Variants in WDR86 observed in about 807,000 individuals in gnomAD.
The protein encoded by WDR86 is WD repeat-containing protein 86.
WDR86 carries 30 observed loss-of-function variants against 36.5 expected under a neutral mutation model. The ratio of observed to expected loss-of-function variants is 0.82; its 90% confidence interval spans 0.61 to 1.11. WDR86 has a LOEUF of 1.11. Among genes scored for constraint, WDR86 ranks in the 50% most tolerant of loss-of-function variants. The pLI is 0.00. For synonymous variants in WDR86, 255 were observed against 252.9 expected, an observed-to-expected ratio of 1.01 and a Z score of -0.08; for missense variants, 545 against 561.2, an observed-to-expected ratio of 0.97 and a Z score of 0.29.
Position 151,390,152 on chromosome 7 carries a change from G to A in WDR86, c.727-4929C>T, listed in dbSNP as rs144764309. 2.0e-5 allele frequency among the ~76,000 whole-genome samples: 3 copies of A among 152,308 alleles called. No individual in the cohort carries two copies. In the East Asian group the frequency reaches 5.8e-4, roughly 29 times the overall value. On this transcript the variant is annotated intron_variant, in intron 3 of 5. Coordinates refer to ENST00000334493, the MANE Select transcript of WDR86 (RefSeq NM_198285.3). This position sits in a 1 kb window ranked among gnomAD's most constrained non-coding sequence, Gnocchi z 4.5. ...ACGAACCAAGGGACAGTCAGAGCTC[G>A]GGGAGACGGAGCACTCGCAGGGCCA...
chr7:151,410,266 A>G (rs2150896565), upstream of WDR86, among the ~76,000 whole-genome samples: 1 of 152,300 alleles, frequency 6.6e-6, no homozygotes, highest in East Asian at 1.9e-4. Flanking sequence ...AAGGGCCGGG[A>G]CGAGGGAGGG....
In WDR86 at chr7:151,404,212, T is replaced by C. The variant is rs147367872; in HGVS notation, c.164-3971A>G. On this transcript the variant is annotated intron_variant, in intron 1 of 5. Transcript: ENST00000334493. ...TACAAATATTGAAGAAAACAGGCAA[T>C]GATGAAAGGAAGGTTTAAAAAAAAA... Among the ~76,000 whole-genome samples, 322 of 151,148 alleles carry C rather than the reference T, an allele frequency of 2.1e-3. 1 individual carries two copies. Among genetic ancestry groups the C allele is most frequent in the African/African-American group, 7.6e-3 (313 of 41,302 alleles).
At chr7:151,400,079 C>T (rs760643717) in intron 2 of WDR86, 21 bp downstream of exon 2, 4 of 1,540,806 alleles carry the variant, frequency 2.6e-6, no homozygotes, top group Non-Finnish European at 2.6e-6. Flanking sequence ...AGACTCAGCC[C>T]AAGCCCCCAG....
At chr7:151,375,621 C>G, downstream of WDR86, among the ~76,000 whole-genome samples, 1 of 152,230 alleles carries the variant, frequency 6.6e-6, no homozygotes, top group East Asian at 1.9e-4. Context: ...CCTGCTCTAA[C>G]AGAAGGGATC....
intron 4 of WDR86, among the ~76,000 whole-genome samples, chr7:151,383,483 A>T (rs1798756479): frequency 6.6e-6 from 1 of 152,034 alleles, no homozygotes; most frequent in South Asian, 2.1e-4. Flanking sequence ...CAAAAAAAAA[A>T]AAAAAAAAAT....
chr7:151,404,638 A>AG lies in WDR86; in HGVS notation c.164-4398dup, dbSNP rs1215542770. On this transcript the variant is annotated intron_variant, in intron 1 of 5. Coordinates refer to ENST00000334493, the MANE Select transcript of WDR86 (RefSeq NM_198285.3). The stretch of plus-strand genomic sequence containing the variant: ...GGCTCATCACACCTCCAGGGGCTGC[A>AG]GTGATTGTGCAGAATAAGCAAAAAA... 5.3e-5 allele frequency among the ~76,000 whole-genome samples: 8 copies of AG among 152,328 alleles called. No homozygotes were observed. The South Asian group carries it at 1.2e-3, about 24-fold the overall frequency.
intron 1 of WDR86, among the ~76,000 whole-genome samples, chr7:151,402,180 T>C (rs985137023): frequency 2.0e-5 from 3 of 148,956 alleles, no homozygotes; most frequent in Non-Finnish European, 3.0e-5. Flanking sequence ...GAGATGGATG[T>C]GGCCACGAGC....
chr7:151,395,689 C>T (rs3815332), intron 3 of WDR86, 87 bp downstream of exon 3: 268,959 of 1,419,506 alleles, frequency 0.19, 29,650 homozygotes, highest in East Asian at 0.49. Flanking sequence ...GTTATGCAGC[C>T]GAATCACAGA....
At chr7:151,374,464 C>T (rs1584974694), downstream of WDR86, 12 of 625,542 alleles carry the variant, frequency 1.9e-5, no homozygotes, top group Non-Finnish European at 2.8e-5. Context: ...GGCTCCAAAA[C>T]GTGGTGCCTG....
downstream of WDR86, chr7:151,377,259 A>C (rs769468400): frequency 7.2e-7 from 1 of 1,380,364 alleles, no homozygotes; most frequent in South Asian, 1.4e-5. Flanking sequence ...TTTTCTGCTT[A>C]TAAATGCTAT....
intron 3 of WDR86, among the ~76,000 whole-genome samples, chr7:151,387,265 G>C (rs1799054339): frequency 6.6e-6 from 1 of 152,154 alleles, no homozygotes; most frequent in Non-Finnish European, 1.5e-5. Context: ...AGGGCAGGAG[G>C]CTTGCTGGGT....
intron 1 of WDR86, among the ~76,000 whole-genome samples, chr7:151,404,350 C>T (rs1051133258): frequency 6.6e-6 from 1 of 152,224 alleles, no homozygotes; most frequent in Non-Finnish European, 1.5e-5. Flanking sequence ...CTGCTGTGGA[C>T]AGGCCTCTTC....
Position 151,409,901 on chromosome 7 carries a change from G to C in WDR86, c.-312C>G, listed in dbSNP as rs1005048769. On this transcript the variant is annotated 5_prime_UTR_variant, in exon 1 of 6. Transcript: ENST00000334493. This position sits in a 1 kb window ranked among gnomAD's most constrained non-coding sequence, Gnocchi z 5.2. ...CCGCTCGGAGGATCCACACCCCACC[G>C]GGCGAACAAGGCAGCTGCGTCTCTG... 2 of 1,124,234 alleles carry C rather than the reference G, an allele frequency of 1.8e-6. No homozygotes were observed. Among genetic ancestry groups the C allele is most frequent in the Non-Finnish European group, 2.2e-6 (2 of 919,574 alleles). 69.6% of individuals were successfully genotyped at this position (1,124,234 alleles called of 1,614,324 possible).
At chr7:151,379,411 G>T (rs1477688742), downstream of WDR86, among the ~76,000 whole-genome samples, 2 of 152,142 alleles carry the variant, frequency 1.3e-5, no homozygotes, top group Non-Finnish European at 2.9e-5. Flanking sequence ...TGTCCTATGG[G>T]TAGCTCCTGT....
chr7:151,374,248 C>G, downstream of WDR86: 1 of 1,552,516 alleles, frequency 6.4e-7, no homozygotes, highest in Non-Finnish European at 8.7e-7. Context: ...CTGAAGGTAG[C>G]AGCTCCCTCG....
At chr7:151,376,524 A>G (rs2150728256), downstream of WDR86, 1 of 1,032,762 alleles carries the variant, frequency 9.7e-7, no homozygotes, top group Non-Finnish European at 1.4e-6. Flanking sequence ...GCCATGGTGC[A>G]CACGCCGGGA....
At chr7:151,393,212 CGT>C (rs781123351) in intron 3 of WDR86, among the ~76,000 whole-genome samples, 1 of 152,200 alleles carries the variant, frequency 6.6e-6, no homozygotes, top group African/African-American at 2.4e-5. Flanking sequence ...TGTGTTCACA[CGT>C]GTGTGCATGT....
Position 151,395,990 on chromosome 7 carries a change from G to A in WDR86, c.512C>T (p.Thr171Ile). ...AAGGLLVTGS[T>I]DGTAKVWQVA... is the part of the protein sequence containing the mutation. ...CTGCCACACCTTGGCTGTGCCATCTGTGCTGCCGGTCACCAGAAGCCCCCC... is the reference window on the plus strand; with the variant it reads ...CTGCCACACCTTGGCTGTGCCATCTATGCTGCCGGTCACCAGAAGCCCCCC... Residue 171 changes from threonine to isoleucine, a missense_variant, in exon 3 of 6, where the codon ACA (threonine) becomes ATA (isoleucine). Physicochemically the swap from Thr to Ile is moderately conservative, Grantham distance 89 (BLOSUM62 -1). Coordinates refer to ENST00000334493, the MANE Select transcript of WDR86 (RefSeq NM_198285.3). The A allele has an allele frequency of 6.3e-7, 1 of 1,598,900 alleles. No individual in the cohort carries two copies. Among genetic ancestry groups the A allele is most frequent in the Non-Finnish European group, 8.5e-7 (1 of 1,174,286 alleles).
chr7:151,383,897 A>G (rs75094832), intron 4 of WDR86, among the ~76,000 whole-genome samples: 1 of 152,244 alleles, frequency 6.6e-6, no homozygotes, highest in Non-Finnish European at 1.5e-5. Flanking sequence ...CCCCGGCTGC[A>G]CGGGGAGGTG....
Sources: allele counts gnomAD v4.1 joint callset (sites outside exome capture counted in the v4.1 genomes callset), GRCh38; gene constraint gnomAD v4.1.1; non-coding constraint Gnocchi (gnomAD v3.1); transcripts MANE v1.5; gene names NCBI Gene and HGNC (gene_info 2026-07-23, HGNC 2026-07-21).